The following PAK3 variants were observed in gnomAD, a reference collection of about 807,000 sequenced individuals.
PAK3 encodes serine/threonine-protein kinase PAK 3.
PAK3 carries 4 observed loss-of-function variants against 41.0 expected under a neutral mutation model. The ratio of observed to expected loss-of-function variants is 0.10; its 90% CI spans 0.05 to 0.22. The LOEUF (loss-of-function observed/expected upper bound fraction) is 0.22. Ranked by LOEUF, PAK3 falls within the 10% of genes least tolerant of loss-of-function variation. PAK3 has a pLI of 1.00. For synonymous variants in PAK3, 146 were observed against 139.6 expected, an observed-to-expected ratio of 1.05 and a Z score of -0.32; for missense variants, 205 against 409.9, an observed-to-expected ratio of 0.50 and a Z score of 4.32.
chrX:111,062,720 C>T (rs1399920514), intron 1 of PAK3, among the ~76,000 whole-genome samples: 1 of 111,801 alleles, frequency 8.9e-6, no homozygotes, highest in Non-Finnish European at 1.9e-5. Flanking sequence ...TGCCCACCTG[C>T]CTGCCTGCCT....
intron 1 of PAK3, among the ~76,000 whole-genome samples, chrX:111,019,725 G>T (rs1437356911): frequency 1.0e-5 from 1 of 98,931 alleles, no homozygotes; most frequent in South Asian, 4.4e-4. Flanking sequence ...AAGAAAAAGG[G>T]GGGGGGGCAA....
chrX:111,024,663 A>G (rs937269867), intron 1 of PAK3, among the ~76,000 whole-genome samples: 13 of 111,273 alleles, frequency 1.2e-4, no homozygotes, highest in African/African-American at 3.9e-4. Flanking sequence ...CAACTACTAG[A>G]CTTAAAAATT....
intron 1 of PAK3, among the ~76,000 whole-genome samples, chrX:110,946,126 G>T (rs995285996): frequency 9.0e-6 from 1 of 111,221 alleles, no homozygotes; most frequent in Non-Finnish European, 1.9e-5. Flanking sequence ...GGGGATGGGG[G>T]TTATGATCAA....
rs180971826 is a variant in PAK3, at chrX:111,192,732, G to A, written c.992+114G>A. The stretch of plus-strand genomic sequence containing the variant: ...AACATTCTGCAAATATTTCTCAAAT[G>A]CTACAGTGTAGTAGAGTATTAGATC... On this transcript the variant is annotated intron_variant, in intron 13 of 17. Coordinates refer to ENST00000372007, the MANE Select transcript of PAK3 (RefSeq NM_002578.5). 264 of 496,823 alleles carry A rather than the reference G, an allele frequency of 5.3e-4. 1 individual carries two copies. The highest frequency in any genetic ancestry group is 5.1e-3 in the African/African-American group (218 of 42,544). 40.9% of individuals were successfully genotyped at this position (496,823 alleles called of 1,213,427 possible).
Position 110,979,291 on chromosome X carries a change from CTTTTCTTTT to C in PAK3, c.-28+34668_-28+34676del, listed in dbSNP as rs1166448763. ...CTTGTTTTATTCATTTTCTCTATTA[CTTTTCTTTT>C]TTTTTTTTTTTTTTTTTTGACAGAG... On this transcript the variant is annotated intron_variant, in intron 1 of 14. Transcript: ENST00000425146. Among the ~76,000 whole-genome samples the C allele has an allele frequency of 1.5e-4, 3 of 19,827 alleles. No homozygotes were observed. The Admixed American group carries it at 3.6e-3, about 24-fold the overall frequency. The allele number at this position is 19,827 out of a possible 115,157, so 17.2% of individuals were successfully genotyped here. A position where few individuals can be genotyped will look rare whatever the true frequency, so the allele number is the denominator to read the frequency against.
At chrX:111,098,089 G>A (rs1206357069) in intron 3 of PAK3, among the ~76,000 whole-genome samples, 2 of 110,746 alleles carry the variant, frequency 1.8e-5, no homozygotes, top group Non-Finnish European at 3.8e-5. Context: ...AGGACCCTAG[G>A]GACATTCTCA....
chrX:111,029,874 A>G (rs2092320992), intron 1 of PAK3, among the ~76,000 whole-genome samples: 1 of 112,301 alleles, frequency 8.9e-6, no homozygotes, highest in Admixed American at 9.5e-5. Context: ...AATTAACTGG[A>G]GAGAGGATCT....
chrX:111,222,620 G>C lies in PAK3; in HGVS notation c.*2173G>C, dbSNP rs1161992077. On this transcript the variant is annotated 3_prime_UTR_variant, in exon 18 of 18. Coordinates refer to ENST00000372007, the MANE Select transcript of PAK3 (RefSeq NM_002578.5). ...TACTTTAAAAAATTTTTCACTCATA[G>C]TGCCGGGAAATTCAATGAAATCCTG... The C allele has an allele frequency of 8.9e-6, 1 of 111,826 alleles. No homozygotes were observed. The highest frequency in any genetic ancestry group is 1.9e-5 in the Non-Finnish European group (1 of 53,113). 9.2% of individuals were successfully genotyped at this position (111,826 alleles called of 1,213,427 possible).
rs955506015 is a variant in PAK3, at chrX:111,220,605, G to A, written c.*158G>A. 1.2e-5 allele frequency: 6 copies of A among 482,654 alleles called. No homozygotes were observed. Among genetic ancestry groups the A allele is most frequent in the Admixed American group, 3.2e-5 (1 of 31,352 alleles). 39.8% of individuals were successfully genotyped at this position (482,654 alleles called of 1,213,427 possible). A position where few individuals can be genotyped will look rare whatever the true frequency, so the allele number is the denominator to read the frequency against. On this transcript the variant is annotated 3_prime_UTR_variant, in exon 18 of 18. Coordinates refer to ENST00000372007, the MANE Select transcript of PAK3 (RefSeq NM_002578.5). ...TATAAGCCTTTTTCCTACTCCCTCAGATTATGTAATTTATTTGTAAGCCTG... is the reference window on the plus strand; with the variant it reads ...TATAAGCCTTTTTCCTACTCCCTCAAATTATGTAATTTATTTGTAAGCCTG...
intron 1 of PAK3, among the ~76,000 whole-genome samples, chrX:111,067,350 CAACAAT>C (rs750218797): frequency 1.8e-5 from 2 of 111,257 alleles, no homozygotes; most frequent in Non-Finnish European, 3.8e-5. Context: ...TTAATCCTTG[CAACAAT>C]ACTATGAGGA....
intron 1 of PAK3, among the ~76,000 whole-genome samples, chrX:110,990,060 C>T (rs1044403649): frequency 3.6e-5 from 4 of 111,694 alleles, no homozygotes; most frequent in Non-Finnish European, 7.5e-5. Flanking sequence ...TCCCAGACAG[C>T]GGTGTCTTCC....
intron 10 of PAK3, among the ~76,000 whole-genome samples, chrX:111,167,592 G>T (rs772411147): frequency 9.0e-6 from 1 of 110,899 alleles, no homozygotes; most frequent in Non-Finnish European, 1.9e-5. Flanking sequence ...ATTGTGGTCT[G>T]TCTAGATCTG....
rs183864792 is a variant in PAK3, at chrX:111,121,010, C to T, written c.-27-2067C>T. Reference sequence around the variant, plus strand: ...TAGAGAAACTGTGAATTTAGAAGGACCAAAAGTCAAAATGCAAAAGATAAT... The same window carrying T: ...TAGAGAAACTGTGAATTTAGAAGGATCAAAAGTCAAAATGCAAAAGATAAT... On this transcript the variant is annotated intron_variant, in intron 4 of 17. Transcript: ENST00000372007. 4.3e-4 allele frequency among the ~76,000 whole-genome samples: 48 copies of T among 111,597 alleles called. 1 individual carries two copies. In the East Asian group the frequency reaches 0.014, roughly 32 times the overall value.
chrX:110,980,151 A>T (rs955374006), intron 1 of PAK3, among the ~76,000 whole-genome samples: 1 of 112,011 alleles, frequency 8.9e-6, no homozygotes, highest in Non-Finnish European at 1.9e-5. Context: ...TCTTCCATTT[A>T]TCAGTCAGAG....
chrX:110,945,309 A>G (rs1356139216), intron 1 of PAK3, among the ~76,000 whole-genome samples: 1 of 111,485 alleles, frequency 9.0e-6, no homozygotes, highest in African/African-American at 3.3e-5. Context: ...GTCTCATTCC[A>G]TGCCAAGCCA....
At chrX:110,973,322 G>C (rs1267079651) in intron 1 of PAK3, among the ~76,000 whole-genome samples, 1 of 111,815 alleles carries the variant, frequency 8.9e-6, no homozygotes, top group Non-Finnish European at 1.9e-5. Flanking sequence ...GAGAAAGGTC[G>C]AGCTACACAC....
intron 17 of PAK3, chrX:111,217,757 A>G (rs2094894640): frequency 3.3e-6 from 1 of 299,770 alleles, no homozygotes. Flanking sequence ...ATTACAGATG[A>G]AAAGACAACT....
At chrX:111,216,794 T>C in intron 17 of PAK3, 1 of 269,828 alleles carries the variant, frequency 3.7e-6, no homozygotes. Flanking sequence ...CCTGGAGTCT[T>C]ATTTTGCAAG....
chrX:110,947,770 G>A (rs767970903), intron 1 of PAK3, among the ~76,000 whole-genome samples: 5 of 111,425 alleles, frequency 4.5e-5, no homozygotes, highest in Non-Finnish European at 9.4e-5. Context: ...TTGGGTAAAA[G>A]CATTCTCTGC....
Sources: allele counts gnomAD v4.1 joint callset (sites outside exome capture counted in the v4.1 genomes callset), GRCh38; gene constraint gnomAD v4.1.1; transcripts MANE v1.5; gene names NCBI Gene and HGNC (gene_info 2026-07-23, HGNC 2026-07-21).